The following ANO6 variants were observed in gnomAD, a reference collection of about 807,000 sequenced individuals.
ANO6 encodes the protein anoctamin-6.
In ANO6, 106 loss-of-function variants were observed where a neutral mutation model predicts 117.5. The ratio of observed to expected loss-of-function variants is 0.90; its 90% CI spans 0.77 to 1.06. The LOEUF (loss-of-function observed/expected upper bound fraction) is 1.06. Among genes scored for constraint, ANO6 ranks in the 50% least tolerant of loss-of-function variants. ANO6 has a pLI of 0.00. For synonymous variants in ANO6, 367 were observed against 385.1 expected (o/e 0.95, Z 0.55); for missense variants, 955 against 1,121.1 (o/e 0.85, Z 2.12).
At chr12:45,312,424 CA>C (rs1173084143) in intron 2 of ANO6, among the ~76,000 whole-genome samples, 1 of 151,982 alleles carries the variant, frequency 6.6e-6, no homozygotes, top group Admixed American at 6.6e-5. Flanking sequence ...TGTGAATTCA[CA>C]AGATTCCCAG....
chr12:45,254,178 C>T (rs984985110), intron 1 of ANO6, among the ~76,000 whole-genome samples: 2 of 152,126 alleles, frequency 1.3e-5, no homozygotes, highest in South Asian at 2.1e-4. Flanking sequence ...AAAAAAAGTT[C>T]GCCATTCTTA....
intron 1 of ANO6, among the ~76,000 whole-genome samples, chr12:45,227,487 C>T (rs1239611166): frequency 6.6e-6 from 1 of 152,112 alleles, no homozygotes; most frequent in Non-Finnish European, 1.5e-5. Flanking sequence ...CCTCTCTGAG[C>T]CTGTTTCTTC....
intron 1 of ANO6, chr12:45,292,917 G>A (rs1355583638): frequency 3.2e-6 from 5 of 1,551,292 alleles, no homozygotes; most frequent in Non-Finnish European, 4.4e-6. Context: ...TTCTGCTGTG[G>A]AATGTTTTGT....
chr12:45,356,780 G>GA lies in ANO6; in HGVS notation c.864-502dup, dbSNP rs559421558. On this transcript the variant is annotated intron_variant, in intron 7 of 19. Transcript: ENST00000320560. ...AGGCACACTAGGTTTATCTTTTATTGAAAAAAAATCCACATTTAAGTGGAT... is the reference window on the plus strand; with the variant it reads ...AGGCACACTAGGTTTATCTTTTATTGAAAAAAAAATCCACATTTAAGTGGAT... Among the ~76,000 whole-genome samples, 53 of 151,796 alleles carry GA rather than the reference G, an allele frequency of 3.5e-4. No individual in the cohort carries two copies. The East Asian group carries it at 7.4e-3, about 21-fold the overall frequency.
chr12:45,286,841 C>T (rs1276226362), intron 1 of ANO6, among the ~76,000 whole-genome samples: 2 of 152,202 alleles, frequency 1.3e-5, no homozygotes, highest in African/African-American at 4.8e-5. Context: ...GTCCCATTTT[C>T]CAGGTGCAGA....
rs539924184 is a variant in ANO6 at position 45,313,077 on chromosome 12, T to A, written c.150+10984T>A. On this transcript the variant is annotated intron_variant, in intron 2 of 19. Transcript: ENST00000320560. ...TACTTTCATCTACCTTAAGTGTTTT[T>A]AAAAAGCAAATATACCATCTGTGAG... The A allele has an allele frequency of 1.1e-4, 16 of 152,218 alleles. No homozygotes were observed. The East Asian group carries it at 2.1e-3, about 20-fold the overall frequency. The allele number at this position is 152,218 out of a possible 1,614,324, so 9.4% of individuals were successfully genotyped here. A position where few individuals can be genotyped will look rare whatever the true frequency, so the allele number is the denominator to read the frequency against.
chr12:45,345,988 C>T (rs1053184177), intron 3 of ANO6, among the ~76,000 whole-genome samples: 4 of 99,628 alleles, frequency 4.0e-5, no homozygotes, highest in Admixed American at 1.4e-4. Flanking sequence ...AAAAATGGGG[C>T]GGGGGGGTTA....
intron 1 of ANO6, among the ~76,000 whole-genome samples, chr12:45,220,733 A>T (rs933597027): frequency 4.6e-5 from 7 of 152,192 alleles, no homozygotes; most frequent in Non-Finnish European, 8.8e-5. Context: ...TAATAAGTTG[A>T]CAGATGGCTG....
intron 1 of ANO6, among the ~76,000 whole-genome samples, chr12:45,222,702 C>T (rs1288561627): frequency 2.0e-5 from 3 of 152,174 alleles, no homozygotes; most frequent in Non-Finnish European, 4.4e-5. Flanking sequence ...TATAATCTTT[C>T]CCCATCTTTC....
intron 1 of ANO6, among the ~76,000 whole-genome samples, chr12:45,247,108 T>C (rs1232741525): frequency 6.6e-6 from 1 of 152,144 alleles, no homozygotes; most frequent in East Asian, 1.9e-4. Context: ...GTGTTTTTAG[T>C]AGAGATGGGG....
chr12:45,273,993 C>T (rs547750532), intron 1 of ANO6, among the ~76,000 whole-genome samples: 9 of 152,204 alleles, frequency 5.9e-5, no homozygotes, highest in East Asian at 1.9e-4. Flanking sequence ...TGACCACTCC[C>T]TGCTTCCTGA....
At chr12:45,299,487 C>T (rs1459153437) in intron 1 of ANO6, among the ~76,000 whole-genome samples, 1 of 152,190 alleles carries the variant, frequency 6.6e-6, no homozygotes, top group Admixed American at 6.5e-5. Flanking sequence ...GTCATTTCTA[C>T]TGGCATTTCT....
intron 7 of ANO6, 100 bp downstream of exon 7, chr12:45,350,874 G>T: frequency 9.8e-7 from 1 of 1,023,378 alleles, no homozygotes; most frequent in Non-Finnish European, 1.5e-6. Flanking sequence ...GCCAGTGAAG[G>T]GAGCTGACCC....
chr12:45,298,410 T>G (rs770049231), intron 1 of ANO6, among the ~76,000 whole-genome samples: 1 of 152,240 alleles, frequency 6.6e-6, no homozygotes, highest in Non-Finnish European at 1.5e-5. Context: ...CTCAGTCACC[T>G]TGATTTTGAC....
intron 1 of ANO6, among the ~76,000 whole-genome samples, chr12:45,261,405 A>G (rs547482869): frequency 1.0e-3 from 153 of 152,352 alleles, no homozygotes; most frequent in African/African-American, 1.9e-3. Flanking sequence ...AATTAATGAT[A>G]TTGATTGGAC....
Position 45,409,363 on chromosome 12 carries a change from C to T in ANO6, c.1887C>T (p.Ile629=), listed in dbSNP as rs899169885. Residue 629 remains isoleucine, a synonymous_variant, in exon 16 of 20, where the codon ATC becomes ATT. Transcript: ENST00000320560. The stretch of plus-strand genomic sequence containing the variant: ...AAATTGTTCTTTTTGGCAGCTGGAT[C>T]ATGAATCTAATTGGGCGATTTCACA... ...NNIQEVLLPW[I]MNLIGRFHRV... 5 of 1,613,754 alleles carry T rather than the reference C, an allele frequency of 3.1e-6. No homozygotes were observed. In the African/African-American group the frequency reaches 6.7e-5, roughly 22 times the overall value.
intron 19 of ANO6, among the ~76,000 whole-genome samples, chr12:45,424,357 A>ATTT (rs1555181084): frequency 1.7e-5 from 2 of 118,640 alleles, no homozygotes; most frequent in South Asian, 2.9e-4. Context: ...TTTTTTTTTA[A>ATTT]AGACAGAGTC....
intron 1 of ANO6, among the ~76,000 whole-genome samples, chr12:45,235,360 A>C (rs774000570): frequency 6.6e-6 from 1 of 152,212 alleles, no homozygotes; most frequent in African/African-American, 2.4e-5. Flanking sequence ...TGTCTGTTCT[A>C]AGTAGGGCTG....
intron 2 of ANO6, among the ~76,000 whole-genome samples, chr12:45,324,847 A>G (rs1234600040): frequency 1.3e-5 from 2 of 152,168 alleles, no homozygotes; most frequent in Non-Finnish European, 1.5e-5. Flanking sequence ...CTAAATAGCT[A>G]TAGCTTAAAA....
Sources: allele counts gnomAD v4.1 joint callset (sites outside exome capture counted in the v4.1 genomes callset), GRCh38; gene constraint gnomAD v4.1.1; transcripts MANE v1.5; gene names NCBI Gene and HGNC (gene_info 2026-07-23, HGNC 2026-07-21).